LYPD8: variants seen among roughly 807,000 people sequenced by gnomAD.
The protein encoded by LYPD8 is ly6/PLAUR domain-containing protein 8.
LYPD8 carries 8 observed loss-of-function variants against 1.7 expected under a neutral mutation model. That is an observed-to-expected ratio of 4.58 (90% CI 2.69 to 8.27). The LOEUF is 8.27. Ranked by LOEUF, LYPD8 falls within the 30% of genes most tolerant of loss-of-function variation. LYPD8 has a pLI of 0.00. For missense variants in LYPD8, 112 were observed against 102.3 expected (o/e 1.09, Z -0.41); for synonymous variants, 50 against 43.6 (o/e 1.15, Z -0.58).
intron 5 of LYPD8, among the ~76,000 whole-genome samples, chr1:248,746,657 C>CCAG (rs1471727392): frequency 3.9e-5 from 3 of 76,788 alleles, no homozygotes; most frequent in Non-Finnish European, 8.2e-5. Flanking sequence ...GCCCGCACGG[C>CCAG]CAGCACCCAC....
chr1:248,750,776 A>G (rs1662787528), intron 3 of LYPD8, 133 bp from the exon 4 acceptor site: 1 of 397,678 alleles, frequency 2.5e-6, no homozygotes, highest in African/African-American at 2.1e-5. Context: ...CTCTGGGGAT[A>G]CCTGAAATTG....
intron 5 of LYPD8, among the ~76,000 whole-genome samples, chr1:248,745,829 G>A (rs1662719524): frequency 6.6e-6 from 1 of 152,216 alleles, no homozygotes; most frequent in East Asian, 1.9e-4. Flanking sequence ...GGTGCAGGAA[G>A]CCTTGAGTCC....
In LYPD8 at chr1:248,753,207, AAC is replaced by A. The variant is rs1208519832; in HGVS notation, c.-50+2030_-50+2031del. Among the ~76,000 whole-genome samples, 10 of 93,774 alleles carry A rather than the reference AAC, an allele frequency of 1.1e-4. 1 individual carries two copies. Among genetic ancestry groups the A allele is most frequent in the Non-Finnish European group, 2.1e-4 (10 of 47,726 alleles). The allele number at this position is 93,774 out of a possible 152,430, so 61.5% of individuals were successfully genotyped here. On this transcript the variant is annotated intron_variant, in intron 2 of 6. Coordinates refer to ENST00000590317, the MANE Select transcript of LYPD8 (RefSeq NM_001085474.2). ...ACACACACCACATCACACCCCACAC[AAC>A]ACACACACCACACCACACACACACA...
chr1:248,742,783 G>A (rs1264732339), intron 6 of LYPD8, among the ~76,000 whole-genome samples: 21 of 84,528 alleles, frequency 2.5e-4, no homozygotes, highest in Admixed American at 6.4e-4. Context: ...AGCGGGGGAG[G>A]TTATGCTCTG....
rs113514465 is a variant in LYPD8, at chr1:248,742,195, G to A, written c.476-2346C>T. 9.6e-3 allele frequency among the ~76,000 whole-genome samples: 1,426 copies of A among 147,818 alleles called. 17 individuals are homozygous for A. The highest frequency in any genetic ancestry group is 0.024 in the African/African-American group (918 of 39,000). ...GTTGGCAGCGGGGAGATTATGCTCT[G>A]GTGGGGATGTTGGCAGCGGGGGAGA... On this transcript the variant is annotated intron_variant, in intron 6 of 6. Coordinates refer to ENST00000590317, the MANE Select transcript of LYPD8 (RefSeq NM_001085474.2).
intron 2 of LYPD8, among the ~76,000 whole-genome samples, chr1:248,754,211 C>T (rs923835385): frequency 0.099 from 14,923 of 150,308 alleles, 971 homozygotes; most frequent in East Asian, 0.25. Flanking sequence ...ACATTAAATG[C>T]CACATACAAC....
chr1:248,742,605 G>A lies in LYPD8; in HGVS notation c.475+2537C>T, dbSNP rs797043422. On this transcript the variant is annotated intron_variant, in intron 6 of 6. Coordinates refer to ENST00000590317, the MANE Select transcript of LYPD8 (RefSeq NM_001085474.2). ...CTGGTGGGGATGTTGGCAGTCGGGG[G>A]AGATTATGCTCTGGTGGGGATGTTG... Among the ~76,000 whole-genome samples, 39 of 90,198 alleles carry A rather than the reference G, an allele frequency of 4.3e-4. 1 individual carries two copies. The highest frequency in any genetic ancestry group is 1.5e-3 in the East Asian group (4 of 2,628). The allele number at this position is 90,198 out of a possible 152,430, so 59.2% of individuals were successfully genotyped here. A position where few individuals can be genotyped will look rare whatever the true frequency, so the allele number is the denominator to read the frequency against.
intron 2 of LYPD8, among the ~76,000 whole-genome samples, chr1:248,752,967 CA>C (rs1662841528): frequency 8.8e-6 from 1 of 113,886 alleles, no homozygotes; most frequent in Non-Finnish European, 1.8e-5. Flanking sequence ...AAACACCCCA[CA>C]CAACACACAC....
At position 248,739,879 on chromosome 1, in the gene LYPD8, C is replaced by T. The variant is rs73148524; in HGVS notation, c.476-30G>A. The T allele has an allele frequency of 0.027, 41,574 of 1,550,794 alleles. 6,164 individuals are homozygous for T. The African/African-American group carries it at 0.4, about 15-fold the overall frequency. Reference sequence around the variant, plus strand: ...GAATGCAAAGGAGACAGGAGGGACGCCACTCAGTCCTTTGTCCTTCCACCC... The same window carrying T: ...GAATGCAAAGGAGACAGGAGGGACGTCACTCAGTCCTTTGTCCTTCCACCC... On this transcript the variant is annotated intron_variant, in intron 6 of 6. Transcript: ENST00000590317. This position sits in a 1 kb window ranked among gnomAD's most constrained non-coding sequence, Gnocchi z 4.3.
chr1:248,745,731 A>T (rs994339004), intron 5 of LYPD8, among the ~76,000 whole-genome samples: 4 of 152,206 alleles, frequency 2.6e-5, no homozygotes, highest in Admixed American at 2.6e-4. Flanking sequence ...GTGCTTTATG[A>T]CCATGGCCAA....
At chr1:248,752,839 C>CCA (rs1182804290) in intron 2 of LYPD8, among the ~76,000 whole-genome samples, 5 of 96,676 alleles carry the variant, frequency 5.2e-5, no homozygotes, top group African/African-American at 2.8e-4. Context: ...ACACCACACC[C>CCA]CACACACACA....
At chr1:248,752,450 A>G (rs1375380356) in intron 2 of LYPD8, among the ~76,000 whole-genome samples, 3 of 151,558 alleles carry the variant, frequency 2.0e-5, no homozygotes, top group Non-Finnish European at 4.4e-5. Flanking sequence ...AATCGCCTTC[A>G]TCTGGAAGCC....
rs1662840698 is a variant in LYPD8 at position 248,752,939 on chromosome 1, C to CACACAAACACACCACATCACACACA, written c.-49-1810_-49-1809insTGTGTGTGATGTGGTGTGTTTGTGT. 1.3e-3 allele frequency among the ~76,000 whole-genome samples: 127 copies of CACACAAACACACCACATCACACACA among 101,202 alleles called. 6 individuals carry two copies. The highest frequency in any genetic ancestry group is 3.6e-3 in the South Asian group (11 of 3,098). 66.4% of individuals were successfully genotyped at this position (101,202 alleles called of 152,430 possible). On this transcript the variant is annotated intron_variant, in intron 2 of 6. Coordinates refer to ENST00000590317, the MANE Select transcript of LYPD8 (RefSeq NM_001085474.2). Reference sequence around the variant, plus strand: ...ACCAACACACCACATCACACACACACCACATCACACACACACCAAACACCC... The same window carrying CACACAAACACACCACATCACACACA: ...ACCAACACACCACATCACACACACACACACAAACACACCACATCACACACACACATCACACACACACCAAACACCC...
chr1:248,753,749 C>A (rs1662876918), intron 2 of LYPD8, among the ~76,000 whole-genome samples: 1 of 149,044 alleles, frequency 6.7e-6, no homozygotes, highest in Non-Finnish European at 1.5e-5. Flanking sequence ...AGCCCCCACA[C>A]AACACATACA....
rs1198433459 is a variant in LYPD8 at position 248,755,261 on chromosome 1, A to T, written c.-72T>A. ...CACCTGGGACATGAGAAGAAGTGGC[A>T]TCTTAGGCCGTTTCACTAGGTACTT... On this transcript the variant is annotated 5_prime_UTR_variant, in exon 2 of 7. An upstream start codon of the reference 5' UTR is lost. Coordinates refer to ENST00000590317, the MANE Select transcript of LYPD8 (RefSeq NM_001085474.2). The T allele has an allele frequency of 6.6e-6, 1 of 152,280 alleles. No homozygotes were observed. Among genetic ancestry groups the T allele is most frequent in the Non-Finnish European group, 1.5e-5 (1 of 68,090 alleles). 9.4% of individuals were successfully genotyped at this position (152,280 alleles called of 1,614,324 possible).
At chr1:248,746,314 G>A (rs1160854413) in intron 5 of LYPD8, among the ~76,000 whole-genome samples, 4 of 152,124 alleles carry the variant, frequency 2.6e-5, no homozygotes, top group Non-Finnish European at 2.9e-5. Context: ...ACTACTGACC[G>A]GAACTAAAGT....
chr1:248,753,040 A>G (rs1662845187), intron 2 of LYPD8, among the ~76,000 whole-genome samples: 1 of 92,636 alleles, frequency 1.1e-5, no homozygotes, highest in Admixed American at 1.2e-4. Flanking sequence ...CACACACCAC[A>G]CACACATCAC....
At chr1:248,742,211 G>GC (rs1553283442) in intron 6 of LYPD8, among the ~76,000 whole-genome samples, 18 of 136,986 alleles carry the variant, frequency 1.3e-4, no homozygotes, top group African/African-American at 3.8e-4. Flanking sequence ...GATGTTGGCA[G>GC]CGGGGGAGAT....
rs1553283033 is a variant in LYPD8, at chr1:248,739,633, A to T, written c.692T>A (p.Leu231His). The part of the protein sequence containing the change: ...SLYLLALASL[L>H]LRGLLP ...ACCTCAGGGCAGCAGTCCCCGAAGAAGGAGGCTGGCAAGGGCCAAGAGGTA... is the reference window on the plus strand; with the variant it reads ...ACCTCAGGGCAGCAGTCCCCGAAGATGGAGGCTGGCAAGGGCCAAGAGGTA... Residue 231 changes from leucine to histidine, a missense_variant, in exon 7 of 7, where the codon CTT becomes CAT. Transcript: ENST00000590317. This position sits in a 1 kb window ranked among gnomAD's most constrained non-coding sequence, Gnocchi z 4.3. The T allele has an allele frequency of 1.3e-6, 2 of 1,551,630 alleles. No homozygotes were observed. Among genetic ancestry groups the T allele is most frequent in the Non-Finnish European group, 1.7e-6 (2 of 1,146,984 alleles).
Sources: gnomAD v4.1 joint callset for allele counts (sites outside exome capture counted in the v4.1 genomes callset) on GRCh38, gnomAD v4.1.1 for gene constraint, Gnocchi (gnomAD v3.1) non-coding constraint, MANE v1.5 for transcripts, NCBI Gene and HGNC (gene_info 2026-07-23, HGNC 2026-07-21) for gene names.